Variants in BTC observed in about 807,000 individuals in gnomAD.
The protein encoded by BTC is probetacellulin.
BTC carries 13 observed loss-of-function variants against 18.1 expected under a neutral mutation model. That is an observed-to-expected ratio of 0.72 (90% CI 0.47 to 1.14). The LOEUF (loss-of-function observed/expected upper bound fraction) is 1.14, where lower values mean the gene tolerates loss of function less well. BTC is among the 50% of genes most tolerant of loss of function. BTC has a pLI of 0.00. For synonymous variants in BTC, 83 were observed against 79.4 expected (o/e 1.05, Z -0.24); for missense variants, 247 against 224.2 (o/e 1.10, Z -0.65).
chr4:74,755,679 G>C (rs548915569), intron 3 of BTC, among the ~76,000 whole-genome samples, 180 bp downstream of exon 3: 98 of 152,328 alleles, frequency 6.4e-4, no homozygotes, highest in African/African-American at 2.4e-3. Context: ...AGGAAAGTGT[G>C]CGTCAGTTTC....
At chr4:74,762,874 T>G (rs188110995) in intron 2 of BTC, among the ~76,000 whole-genome samples, 1 of 152,302 alleles carries the variant, frequency 6.6e-6, no homozygotes, top group African/African-American at 2.4e-5. Context: ...TTCAAGAAGC[T>G]CAATCCTTAA....
chr4:74,753,288 T>G (rs1724512433), intron 3 of BTC, among the ~76,000 whole-genome samples: 1 of 152,212 alleles, frequency 6.6e-6, no homozygotes, highest in African/African-American at 2.4e-5. Flanking sequence ...GTAAAAGATC[T>G]ATGAATATTA....
intron 1 of BTC, among the ~76,000 whole-genome samples, chr4:74,790,892 T>A (rs1171815313): frequency 1.3e-5 from 2 of 152,138 alleles, no homozygotes; most frequent in Non-Finnish European, 2.9e-5. Flanking sequence ...ATGGCACAGA[T>A]GTATGGGTAG....
chr4:74,779,601 T>C (rs1468597055), intron 1 of BTC, among the ~76,000 whole-genome samples: 1 of 152,116 alleles, frequency 6.6e-6, no homozygotes, highest in Non-Finnish European at 1.5e-5. Context: ...AAAAGGACAA[T>C]TTGTTTTCAA....
chr4:74,760,424 C>T (rs1379132025), intron 2 of BTC, among the ~76,000 whole-genome samples: 9 of 152,186 alleles, frequency 5.9e-5, no homozygotes, highest in Non-Finnish European at 8.8e-5. Context: ...TAGGGATTTC[C>T]TCCTTTTACA....
At chr4:74,755,775 A>G in intron 3 of BTC, 84 bp downstream of exon 3, 1 of 1,268,350 alleles carries the variant, frequency 7.9e-7, no homozygotes, top group Non-Finnish European at 1.1e-6. Flanking sequence ...TGGCATGGTT[A>G]GCTCACACTT....
chr4:74,773,973 A>G lies in BTC; in HGVS notation c.65-3817T>C, dbSNP rs1297391401. On this transcript the variant is annotated intron_variant, in intron 1 of 5. Transcript: ENST00000395743. ...CAACAACGATGATAATGCAGAAGTA[A>G]TAGGATAGAGAATCAACTCTGCCTA... Among the ~76,000 whole-genome samples, 5 of 152,198 alleles carry G rather than the reference A, an allele frequency of 3.3e-5. No individual in the cohort carries two copies. The East Asian group carries it at 9.6e-4, about 29-fold the overall frequency.
At chr4:74,759,262 G>A (rs1194229601) in intron 2 of BTC, among the ~76,000 whole-genome samples, 6 of 152,120 alleles carry the variant, frequency 3.9e-5, no homozygotes, top group South Asian at 2.1e-4. Flanking sequence ...CCTAAGTGTC[G>A]TATTTCTCTG....
At chr4:74,767,869 C>CAA (rs113166661) in intron 2 of BTC, among the ~76,000 whole-genome samples, 23 of 152,152 alleles carry the variant, frequency 1.5e-4, no homozygotes, top group African/African-American at 5.5e-4. Flanking sequence ...GCTTGTTATA[C>CAA]AAAAATCAAC....
At chr4:74,750,117 A>AT (rs1215904781) in intron 4 of BTC, among the ~76,000 whole-genome samples, 3 of 152,194 alleles carry the variant, frequency 2.0e-5, no homozygotes, top group African/African-American at 7.2e-5. Context: ...ATAAATACAA[A>AT]TAAAAATTGT....
intron 4 of BTC, 45 bp from the exon 5 acceptor site, chr4:74,748,194 T>G: frequency 1.7e-6 from 2 of 1,160,974 alleles, no homozygotes; most frequent in Non-Finnish European, 2.5e-6. Flanking sequence ...TAGTAGTTCA[T>G]GCGAACACAA....
chr4:74,790,554 G>T (rs181212921), intron 1 of BTC, among the ~76,000 whole-genome samples: 23 of 152,242 alleles, frequency 1.5e-4, no homozygotes, highest in Non-Finnish European at 8.8e-5. Context: ...TTGCCATGTG[G>T]GTTCTATCAG....
At chr4:74,771,675 G>C (rs182570440) in intron 1 of BTC, among the ~76,000 whole-genome samples, 1 of 152,292 alleles carries the variant, frequency 6.6e-6, no homozygotes, top group East Asian at 1.9e-4. Flanking sequence ...CCTAACATGG[G>C]TAACAGTGAA....
intron 1 of BTC, among the ~76,000 whole-genome samples, chr4:74,792,201 A>G (rs1725651767): frequency 2.0e-5 from 3 of 152,226 alleles, no homozygotes; most frequent in Admixed American, 2.0e-4. Context: ...AAGGGGATCT[A>G]GAGACCAAAT....
Position 74,774,856 on chromosome 4 carries a change from T to C in BTC, c.65-4700A>G, listed in dbSNP as rs544948893. Among the ~76,000 whole-genome samples the C allele has an allele frequency of 2.6e-5, 4 of 152,180 alleles. No individual in the cohort carries two copies. The East Asian group carries it at 5.8e-4, about 22-fold the overall frequency. The stretch of plus-strand genomic sequence containing the variant: ...TTTTTTTTTTCCATTTTGAAAAGAC[T>C]ACTTTAATATCAGCATGGGTGATTC... On this transcript the variant is annotated intron_variant, in intron 1 of 5. Coordinates refer to ENST00000395743, the MANE Select transcript of BTC (RefSeq NM_001729.4).
At chr4:74,784,980 G>T (rs980383575) in intron 1 of BTC, among the ~76,000 whole-genome samples, 1 of 152,116 alleles carries the variant, frequency 6.6e-6, no homozygotes, top group Non-Finnish European at 1.5e-5. Context: ...TAATTTTCTG[G>T]AATAGTTTCA....
At chr4:74,772,157 G>A (rs1725060380) in intron 1 of BTC, among the ~76,000 whole-genome samples, 1 of 152,106 alleles carries the variant, frequency 6.6e-6, no homozygotes, top group African/African-American at 2.4e-5. Context: ...TAAATAGAGA[G>A]TTGCTCACAA....
At chr4:74,768,767 G>A (rs578165279) in intron 2 of BTC, among the ~76,000 whole-genome samples, 4 of 152,042 alleles carry the variant, frequency 2.6e-5, no homozygotes, top group Non-Finnish European at 5.9e-5. Context: ...AATAAAATTA[G>A]AAAACACATT....
At chr4:74,763,087 T>C (rs1724806073) in intron 2 of BTC, among the ~76,000 whole-genome samples, 1 of 152,218 alleles carries the variant, frequency 6.6e-6, no homozygotes, top group South Asian at 2.1e-4. Context: ...CATGTTGAAG[T>C]CTGTTTTCTC....
Sources: allele counts gnomAD v4.1 joint callset (sites outside exome capture counted in the v4.1 genomes callset), GRCh38; gene constraint gnomAD v4.1.1; transcripts MANE v1.5; gene names NCBI Gene and HGNC (gene_info 2026-07-23, HGNC 2026-07-21).